The following PDZRN3 variants were observed in gnomAD, a reference collection of about 807,000 sequenced individuals.
The protein encoded by PDZRN3 is PDZ domain containing ring finger 3.
PDZRN3 carries 38 observed loss-of-function variants against 85.7 expected under a neutral mutation model. The observed-to-expected ratio is 0.44, with a 90% CI of 0.34 to 0.58. The LOEUF is 0.58. PDZRN3 is among the 20% of genes least tolerant of loss of function. The probability of loss-of-function intolerance (pLI) is 0.01; values close to 1 mark genes in which losing one functional copy is unlikely to be tolerated. For synonymous variants in PDZRN3, 759 were observed against 638.0 expected (o/e 1.19, Z -2.86); for missense variants, 1,629 against 1,506.4 (o/e 1.08, Z -1.35).
chr3:73,563,056 T>TCGC, intron 3 of PDZRN3, among the ~76,000 whole-genome samples: 1 of 123,392 alleles, frequency 8.1e-6, no homozygotes, highest in South Asian at 3.0e-4. Context: ...TCTAGTTCAG[T>TCGC]TGCTCAGGCT....
intron 3 of PDZRN3, among the ~76,000 whole-genome samples, chr3:73,409,017 T>G (rs1326148693): frequency 6.6e-6 from 1 of 152,200 alleles, no homozygotes; most frequent in African/African-American, 2.4e-5. Context: ...AAACAGTTTA[T>G]GCAGCTTTAA....
chr3:73,574,740 A>C lies in PDZRN3; in HGVS notation c.918+27614T>G, dbSNP rs146849393. On this transcript the variant is annotated intron_variant, in intron 3 of 9. Coordinates refer to ENST00000263666, the MANE Select transcript of PDZRN3 (RefSeq NM_015009.3). ...TCCCAAAGGGGGAACAAGCACTTTT[A>C]ATACAGCAAACTTAGCCAAAGGGCA... 4.8e-3 allele frequency among the ~76,000 whole-genome samples: 730 copies of C among 152,338 alleles called. 4 individuals carry two copies. The highest frequency in any genetic ancestry group is 6.3e-3 in the Non-Finnish European group (427 of 68,036).
chr3:73,544,793 G>A (rs1355569218), intron 3 of PDZRN3, among the ~76,000 whole-genome samples: 1 of 151,796 alleles, frequency 6.6e-6, no homozygotes, highest in Non-Finnish European at 1.5e-5. Flanking sequence ...AATATCTGTT[G>A]GAGTTACTGT....
intron 3 of PDZRN3, among the ~76,000 whole-genome samples, chr3:73,552,946 C>CCTA (rs1701597483): frequency 6.6e-6 from 1 of 152,184 alleles, no homozygotes; most frequent in Non-Finnish European, 1.5e-5. Flanking sequence ...ATAAACACAA[C>CCTA]CTACTACGTG....
intron 3 of PDZRN3, among the ~76,000 whole-genome samples, chr3:73,551,887 T>A (rs1440407117): frequency 6.6e-6 from 1 of 152,100 alleles, no homozygotes; most frequent in Non-Finnish European, 1.5e-5. Context: ...CAAAGGCCAT[T>A]ATCCTTCCCC....
At chr3:73,478,905 C>T (rs889464563) in intron 3 of PDZRN3, among the ~76,000 whole-genome samples, 5 of 152,194 alleles carry the variant, frequency 3.3e-5, no homozygotes, top group South Asian at 2.1e-4. Context: ...CACATTTTGG[C>T]CAAGTCTTAC....
Position 73,441,486 on chromosome 3 carries a change from T to C in PDZRN3, c.919-37091A>G, listed in dbSNP as rs534700113. The stretch of plus-strand genomic sequence containing the variant: ...TACCAAACGAGGCTGTGTGCTGGAT[T>C]TGGCATGTGGACCATAATTTGACGA... On this transcript the variant is annotated intron_variant, in intron 3 of 9. Coordinates refer to ENST00000263666, the MANE Select transcript of PDZRN3 (RefSeq NM_015009.3). Among the ~76,000 whole-genome samples the C allele has an allele frequency of 2.0e-5, 3 of 151,698 alleles. No homozygotes were observed. In the South Asian group the frequency reaches 6.3e-4, roughly 32 times the overall value.
In PDZRN3 at chr3:73,620,103, A is replaced by C. The variant is rs537945993; in HGVS notation, c.723+4000T>G. ...CCCATCACCACTACCACCACCACCA[A>C]CAACACACCCACACCCAAGAATTAT... On this transcript the variant is annotated intron_variant, in intron 1 of 9. Transcript: ENST00000263666. Among the ~76,000 whole-genome samples the C allele has an allele frequency of 6.8e-4, 104 of 152,246 alleles. 1 individual carries two copies. Among genetic ancestry groups the C allele is most frequent in the Non-Finnish European group, 8.2e-4 (56 of 68,012 alleles).
In PDZRN3 at chr3:73,484,879, G is replaced by A. The variant is rs76744584; in HGVS notation, c.919-80484C>T. ...CTAGAAGCTGGTATAAAGGAGGCCT[G>A]GGCTTTCTTTTTGAGCAGACTGGGA... On this transcript the variant is annotated intron_variant, in intron 3 of 9. Transcript: ENST00000263666. Among the ~76,000 whole-genome samples the A allele has an allele frequency of 7.9e-5, 12 of 152,272 alleles. No individual in the cohort carries two copies. In the East Asian group the frequency reaches 2.3e-3, roughly 29 times the overall value.
chr3:73,552,704 C>T (rs796241893), intron 3 of PDZRN3, among the ~76,000 whole-genome samples: 5 of 152,242 alleles, frequency 3.3e-5, no homozygotes, highest in African/African-American at 1.2e-4. Flanking sequence ...TGTATGTTTA[C>T]GGATTATTTG....
At chr3:73,623,894 C>A (rs934839146) in intron 1 of PDZRN3, 20 of 458,248 alleles carry the variant, frequency 4.4e-5, no homozygotes, top group Admixed American at 8.8e-5. Context: ...TTACCGGTTA[C>A]GTCTAGACTA....
Position 73,383,144 on chromosome 3 carries a change from C to G in PDZRN3, c.*221G>C, listed in dbSNP as rs559865651. The G allele has an allele frequency of 4.3e-6, 2 of 466,566 alleles. No individual in the cohort carries two copies. Among genetic ancestry groups the G allele is most frequent in the Non-Finnish European group, 3.7e-6 (1 of 267,926 alleles). 28.9% of individuals were successfully genotyped at this position (466,566 alleles called of 1,614,324 possible). ...AAGTACAATTGCTATTTGAAAAAAG[C>G]TCTGTTTGTTAATATTGCCTTCCAA... On this transcript the variant is annotated 3_prime_UTR_variant, in exon 10 of 10. Transcript: ENST00000263666.
intron 3 of PDZRN3, 21 bp downstream of exon 3, chr3:73,602,333 C>T (rs1214343023): frequency 1.6e-6 from 2 of 1,279,894 alleles, no homozygotes; most frequent in Non-Finnish European, 2.3e-6. Flanking sequence ...TATTCAAAGA[C>T]ACTGGCCAGT....
chr3:73,511,804 A>C (rs1704170585), intron 3 of PDZRN3, among the ~76,000 whole-genome samples: 1 of 152,250 alleles, frequency 6.6e-6, no homozygotes, highest in South Asian at 2.1e-4. Context: ...AGCCCTTGGA[A>C]GTAGGGCCTT....
chr3:73,464,487 T>G (rs1401759089), intron 3 of PDZRN3, among the ~76,000 whole-genome samples: 2 of 152,220 alleles, frequency 1.3e-5, no homozygotes, highest in Non-Finnish European at 2.9e-5. Flanking sequence ...AACTCTCACA[T>G]AAGCTCTAAA....
chr3:73,395,552 A>G (rs1470036991), intron 5 of PDZRN3, among the ~76,000 whole-genome samples: 1 of 152,226 alleles, frequency 6.6e-6, no homozygotes, highest in Non-Finnish European at 1.5e-5. Flanking sequence ...CTGTTGCAGC[A>G]TCAGCTACCT....
chr3:73,594,126 AAATAT>A (rs1212901603), intron 3 of PDZRN3: 4 of 152,214 alleles, frequency 2.6e-5, no homozygotes, highest in Non-Finnish European at 4.4e-5. Context: ...TGACAGTAAT[AAATAT>A]AACAAAGCCC....
chr3:73,595,308 A>G (rs1240521050), intron 3 of PDZRN3, among the ~76,000 whole-genome samples: 1 of 152,212 alleles, frequency 6.6e-6, no homozygotes, highest in Non-Finnish European at 1.5e-5. Flanking sequence ...GAGATTTCAA[A>G]TAACATGAAT....
intron 3 of PDZRN3, among the ~76,000 whole-genome samples, chr3:73,461,981 GCT>G (rs1279947342): frequency 1.3e-4 from 20 of 152,172 alleles, no homozygotes; most frequent in Admixed American, 1.3e-3. Context: ...ATCCTGAAAT[GCT>G]CTATTTGCTC....
Sources: allele counts gnomAD v4.1 joint callset (sites outside exome capture counted in the v4.1 genomes callset), GRCh38; gene constraint gnomAD v4.1.1; transcripts MANE v1.5; gene names NCBI Gene and HGNC (gene_info 2026-07-23, HGNC 2026-07-21).